Variants in SHROOM3 observed in about 807,000 individuals in gnomAD.
SHROOM3 encodes protein Shroom3.
A neutral mutation model predicts 138.6 loss-of-function variants in SHROOM3; 47 were observed. That is an observed-to-expected ratio of 0.34 (90% CI 0.27 to 0.43). The LOEUF is 0.43. Ranked by LOEUF, SHROOM3 falls within the 20% of genes least tolerant of loss-of-function variation. The pLI, the probability that SHROOM3 is intolerant of heterozygous loss-of-function variation, is 1.00. For synonymous variants in SHROOM3, 1,062 were observed against 1,063.3 expected (o/e 1.00, Z 0.02); for missense variants, 2,491 against 2,596.5 (o/e 0.96, Z 0.88).
chr4:76,603,838 C>CTT lies in SHROOM3; in HGVS notation c.323+48096_323+48097dup, dbSNP rs993165829. ...TGAGTGAGAACAAGCATCTTGTATT[C>CTT]TTTTTTTTTTTTTTTTTTTTTTGAG... On this transcript the variant is annotated intron_variant, in intron 2 of 10. Coordinates refer to ENST00000296043, the MANE Select transcript of SHROOM3 (RefSeq NM_020859.4). 4.4e-3 allele frequency among the ~76,000 whole-genome samples: 431 copies of CTT among 97,214 alleles called. 1 individual carries two copies. Among genetic ancestry groups the CTT allele is most frequent in the Non-Finnish European group, 5.9e-3 (294 of 49,872 alleles). 63.8% of individuals were successfully genotyped at this position (97,214 alleles called of 152,430 possible). A position where few individuals can be genotyped will look rare whatever the true frequency, so the allele number is the denominator to read the frequency against.
chr4:76,524,525 G>A (rs918053518), intron 1 of SHROOM3, among the ~76,000 whole-genome samples: 1 of 152,206 alleles, frequency 6.6e-6, no homozygotes, highest in Non-Finnish European at 1.5e-5. Flanking sequence ...TGGTTCGAAT[G>A]TTATCGACTC....
At chr4:76,668,177 C>T (rs1050361674) in intron 2 of SHROOM3, among the ~76,000 whole-genome samples, 2 of 151,776 alleles carry the variant, frequency 1.3e-5, no homozygotes, top group African/African-American at 2.4e-5. Flanking sequence ...CCATGGCCGG[C>T]GAAAAGCCCA....
At chr4:76,762,484 A>C (rs1722018217) in intron 9 of SHROOM3, among the ~76,000 whole-genome samples, 1 of 152,178 alleles carries the variant, frequency 6.6e-6, no homozygotes, top group African/African-American at 2.4e-5. Flanking sequence ...GGGGGATGAT[A>C]CCCACTTGCC....
At chr4:76,646,422 C>A (rs1434893029) in intron 2 of SHROOM3, among the ~76,000 whole-genome samples, 2 of 151,588 alleles carry the variant, frequency 1.3e-5, no homozygotes, top group Non-Finnish European at 2.9e-5. Flanking sequence ...ATTTCCTTGC[C>A]AAATTGTTTC....
chr4:76,620,081 A>C (rs1017298699), intron 2 of SHROOM3, among the ~76,000 whole-genome samples: 2 of 150,460 alleles, frequency 1.3e-5, no homozygotes, highest in African/African-American at 4.9e-5. Flanking sequence ...AAAAAAAAAA[A>C]AAAAAAAAAA....
At chr4:76,753,079 G>A (rs1238801842) in intron 6 of SHROOM3, among the ~76,000 whole-genome samples, 7 of 152,138 alleles carry the variant, frequency 4.6e-5, no homozygotes, top group Non-Finnish European at 8.8e-5. Context: ...GGATGAGACA[G>A]AAGTGAAGAG....
intron 2 of SHROOM3, among the ~76,000 whole-genome samples, chr4:76,640,655 A>G (rs1287175474): frequency 6.6e-6 from 1 of 152,218 alleles, no homozygotes; most frequent in African/African-American, 2.4e-5. Context: ...TGAGCTCACC[A>G]GCCCTTGCTC....
At chr4:76,673,335 G>T (rs921185986) in intron 2 of SHROOM3, among the ~76,000 whole-genome samples, 2 of 152,138 alleles carry the variant, frequency 1.3e-5, no homozygotes, top group African/African-American at 2.4e-5. Context: ...AGCTTCTTTT[G>T]CCATTATATA....
At chr4:76,609,613 G>GTCTTTAAAAAAGACT (rs1734720308) in intron 2 of SHROOM3, among the ~76,000 whole-genome samples, 1 of 152,142 alleles carries the variant, frequency 6.6e-6, no homozygotes. Context: ...AGGATCAGAA[G>GTCTTTAAAAAAGACT]TCTTTAAAAA....
intron 1 of SHROOM3, among the ~76,000 whole-genome samples, chr4:76,505,134 T>A (rs552169049): frequency 6.6e-6 from 1 of 152,320 alleles, no homozygotes; most frequent in South Asian, 2.1e-4. Flanking sequence ...TGTGTACCCA[T>A]GTCCCATTAA....
intron 10 of SHROOM3, among the ~76,000 whole-genome samples, chr4:76,775,791 T>C (rs1295851047): frequency 6.6e-6 from 1 of 151,000 alleles, no homozygotes; most frequent in Non-Finnish European, 1.5e-5. Flanking sequence ...TATATACACA[T>C]ATATATACAC....
chr4:76,673,571 T>C (rs950898677), intron 2 of SHROOM3, among the ~76,000 whole-genome samples: 15 of 152,204 alleles, frequency 9.9e-5, no homozygotes, highest in African/African-American at 3.6e-4. Flanking sequence ...GGGTGGGGTT[T>C]AAATAGCAGC....
chr4:76,542,366 G>A (rs1262598067), intron 1 of SHROOM3, among the ~76,000 whole-genome samples: 2 of 152,220 alleles, frequency 1.3e-5, no homozygotes, highest in South Asian at 2.1e-4. Flanking sequence ...CCACCTCCTA[G>A]TCCATGTGAC....
intron 5 of SHROOM3, among the ~76,000 whole-genome samples, chr4:76,748,010 G>A (rs1332322264): frequency 6.6e-6 from 1 of 152,128 alleles, no homozygotes; most frequent in African/African-American, 2.4e-5. Context: ...AAAGTCAAGT[G>A]CCTAATATTC....
At chr4:76,745,232 T>C (rs956089945) in intron 5 of SHROOM3, among the ~76,000 whole-genome samples, 10 of 152,244 alleles carry the variant, frequency 6.6e-5, no homozygotes, top group African/African-American at 2.4e-4. Context: ...TGCAAAGCTA[T>C]AGAAAGATAG....
chr4:76,745,779 G>A (rs1438141146), intron 5 of SHROOM3, among the ~76,000 whole-genome samples: 2 of 152,170 alleles, frequency 1.3e-5, no homozygotes, highest in East Asian at 1.9e-4. Context: ...CCAGGAGTTC[G>A]AGATCAGCCT....
intron 9 of SHROOM3, among the ~76,000 whole-genome samples, chr4:76,763,128 G>T (rs534474018): frequency 2.6e-5 from 4 of 152,132 alleles, no homozygotes; most frequent in African/African-American, 4.8e-5. Context: ...GCTCACACCT[G>T]TAATCCCAGC....
At chr4:76,460,113 A>G (rs1731110277) in intron 1 of SHROOM3, among the ~76,000 whole-genome samples, 1 of 152,248 alleles carries the variant, frequency 6.6e-6, no homozygotes, top group Non-Finnish European at 1.5e-5. Flanking sequence ...AACTTCACAC[A>G]TTATCAAAAG....
intron 5 of SHROOM3, among the ~76,000 whole-genome samples, chr4:76,744,150 C>T (rs955963906): frequency 3.9e-5 from 6 of 152,164 alleles, no homozygotes; most frequent in African/African-American, 1.4e-4. Context: ...AGAGATTCCT[C>T]CAAATCCCAA....
Sources: gnomAD v4.1 joint callset for allele counts (sites outside exome capture counted in the v4.1 genomes callset) on GRCh38, gnomAD v4.1.1 for gene constraint, MANE v1.5 for transcripts, NCBI Gene and HGNC (gene_info 2026-07-23, HGNC 2026-07-21) for gene names.